The following ROR1 variants were observed in gnomAD, a reference collection of about 807,000 sequenced individuals.
ROR1 encodes inactive tyrosine-protein kinase transmembrane receptor ROR1.
ROR1 carries 19 observed loss-of-function variants against 78.8 expected under a neutral mutation model. That is an observed-to-expected ratio of 0.24 (90% CI 0.17 to 0.35). The LOEUF is 0.35. Among genes scored for constraint, ROR1 ranks in the 10% least tolerant of loss-of-function variants. The pLI, the probability that ROR1 is intolerant of heterozygous loss-of-function variation, is 1.00. For synonymous variants in ROR1, 386 were observed against 433.6 expected (o/e 0.89, Z 1.36); for missense variants, 917 against 1,177.8 (o/e 0.78, Z 3.24).
intron 1 of ROR1, among the ~76,000 whole-genome samples, chr1:63,911,574 C>T (rs1645570254): frequency 6.6e-6 from 1 of 151,960 alleles, no homozygotes; most frequent in Non-Finnish European, 1.5e-5. Context: ...GATCCCGAAA[C>T]CATCCCCCCC....
At chr1:64,003,554 A>AG (rs1198769673) in intron 1 of ROR1, among the ~76,000 whole-genome samples, 1 of 152,214 alleles carries the variant, frequency 6.6e-6, no homozygotes, top group Non-Finnish European at 1.5e-5. Context: ...TATCCCATAT[A>AG]GGATGAAGAA....
At position 64,024,456 on chromosome 1, in the gene ROR1, G is replaced by A. The variant is rs551797735; in HGVS notation, c.163+15080G>A. On this transcript the variant is annotated intron_variant, in intron 2 of 8. Transcript: ENST00000371079. ...AGATTGCACCACTGCACTCCAGCCTGGGAGACAGAGTGAGACTCCATCTCA... is the reference window on the plus strand; with the variant it reads ...AGATTGCACCACTGCACTCCAGCCTAGGAGACAGAGTGAGACTCCATCTCA... 2.4e-3 allele frequency among the ~76,000 whole-genome samples: 363 copies of A among 152,168 alleles called. 1 individual carries two copies. The highest frequency in any genetic ancestry group is 8.2e-3 in the African/African-American group (341 of 41,502).
intron 1 of ROR1, among the ~76,000 whole-genome samples, chr1:63,778,775 T>G (rs1231116885): frequency 6.6e-6 from 1 of 152,216 alleles, no homozygotes; most frequent in Non-Finnish European, 1.5e-5. Flanking sequence ...ATGGGTAAAC[T>G]TAGGCACAGA....
chr1:63,996,611 C>T (rs1313534821), intron 1 of ROR1, among the ~76,000 whole-genome samples: 2 of 152,182 alleles, frequency 1.3e-5, no homozygotes. Flanking sequence ...GTCCCTCAAT[C>T]CCATGAACTT....
intron 1 of ROR1, among the ~76,000 whole-genome samples, chr1:63,966,297 T>A (rs1025637282): frequency 1.3e-5 from 2 of 152,206 alleles, no homozygotes. Context: ...GTGTTGGCTG[T>A]GCCTCCTGGG....
Position 64,179,013 on chromosome 1 carries a change from A to C in ROR1, c.*158A>C. 2 of 384,246 alleles carry C rather than the reference A, an allele frequency of 5.2e-6. No homozygotes were observed. Among genetic ancestry groups the C allele is most frequent in the Admixed American group, 4.7e-5 (1 of 21,490 alleles). The allele number at this position is 384,246 out of a possible 1,614,324, so 23.8% of individuals were successfully genotyped here. Reference sequence around the variant, plus strand: ...CACTGTGTCTTACCAAGCAGGACAGACACTCGGCCAGAAAAAAAAAAAAAA... The same window carrying C: ...CACTGTGTCTTACCAAGCAGGACAGCCACTCGGCCAGAAAAAAAAAAAAAA... On this transcript the variant is annotated 3_prime_UTR_variant, in exon 9 of 9. Transcript: ENST00000371079.
At chr1:63,900,104 T>C (rs1645472695) in intron 1 of ROR1, among the ~76,000 whole-genome samples, 1 of 152,152 alleles carries the variant, frequency 6.6e-6, no homozygotes, top group African/African-American at 2.4e-5. Context: ...TGCTTACCAC[T>C]GACTCTGATT....
intron 2 of ROR1, among the ~76,000 whole-genome samples, chr1:64,046,675 C>T (rs1461817080): frequency 6.6e-6 from 1 of 152,192 alleles, no homozygotes; most frequent in Non-Finnish European, 1.5e-5. Context: ...ATATGTGTGT[C>T]CACGGCCCAC....
intron 1 of ROR1, among the ~76,000 whole-genome samples, chr1:63,895,938 G>A (rs1234593941): frequency 2.0e-5 from 3 of 151,984 alleles, no homozygotes; most frequent in African/African-American, 7.3e-5. Flanking sequence ...TTAGAACTAT[G>A]ACCCCTCTAA....
chr1:63,902,216 C>T (rs149930073), intron 1 of ROR1, among the ~76,000 whole-genome samples: 1 of 152,040 alleles, frequency 6.6e-6, no homozygotes, highest in East Asian at 1.9e-4. Context: ...TTGTCATATG[C>T]AACATTTTAA....
At chr1:63,841,135 T>C (rs949801362) in intron 1 of ROR1, among the ~76,000 whole-genome samples, 5 of 152,228 alleles carry the variant, frequency 3.3e-5, no homozygotes, top group Admixed American at 1.3e-4. Context: ...TATTACAAAA[T>C]GTACGTCTCA....
intron 4 of ROR1, among the ~76,000 whole-genome samples, chr1:64,080,405 C>A (rs1647091466): frequency 6.6e-6 from 1 of 152,248 alleles, no homozygotes; most frequent in South Asian, 2.1e-4. Context: ...GTTAAGAGAC[C>A]ATGGTCTGTT....
chr1:63,908,394 A>G lies in ROR1; in HGVS notation c.92-100911A>G, dbSNP rs546045787. The stretch of plus-strand genomic sequence containing the variant: ...GTGATTCCCAACATCTTTTTATATG[A>G]GGGCCTATTTTTCTTTGGTAAACAG... On this transcript the variant is annotated intron_variant, in intron 1 of 8. Transcript: ENST00000371079. 7.2e-5 allele frequency among the ~76,000 whole-genome samples: 11 copies of G among 152,282 alleles called. No individual in the cohort carries two copies. In the South Asian group the frequency reaches 2.3e-3, roughly 32 times the overall value.
chr1:64,002,765 G>T (rs1646395605), intron 1 of ROR1, among the ~76,000 whole-genome samples: 1 of 152,198 alleles, frequency 6.6e-6, no homozygotes, highest in Non-Finnish European at 1.5e-5. Context: ...ACCTTGTGCT[G>T]TGCCATCCTT....
chr1:63,826,499 G>A (rs1644954398), intron 1 of ROR1, among the ~76,000 whole-genome samples: 1 of 152,004 alleles, frequency 6.6e-6, no homozygotes. Context: ...ATCATTGATG[G>A]GTATTTGTGT....
At chr1:64,166,970 TC>T (rs1452823074) in intron 8 of ROR1, among the ~76,000 whole-genome samples, 1 of 152,218 alleles carries the variant, frequency 6.6e-6, no homozygotes, top group African/African-American at 2.4e-5. Context: ...CTTCAATATC[TC>T]AATAGAATCT....
chr1:64,139,132 A>G (rs531019037), intron 5 of ROR1, among the ~76,000 whole-genome samples: 32 of 137,440 alleles, frequency 2.3e-4, no homozygotes, highest in Non-Finnish European at 2.6e-4. Context: ...GTAACCCTGC[A>G]CTCCAGCCTG....
chr1:64,149,650 A>G (rs575807141), intron 7 of ROR1, among the ~76,000 whole-genome samples: 1 of 152,318 alleles, frequency 6.6e-6, no homozygotes, highest in African/African-American at 2.4e-5. Context: ...TGTCTCCTCC[A>G]GTCCTCAAAG....
At chr1:63,787,640 C>G (rs1644700161) in intron 1 of ROR1, among the ~76,000 whole-genome samples, 1 of 152,062 alleles carries the variant, frequency 6.6e-6, no homozygotes. Flanking sequence ...AATTCTCCAG[C>G]CTCAGCCTCC....
Sources: allele counts gnomAD v4.1 joint callset (sites outside exome capture counted in the v4.1 genomes callset), GRCh38; gene constraint gnomAD v4.1.1; transcripts MANE v1.5; gene names NCBI Gene and HGNC (gene_info 2026-07-23, HGNC 2026-07-21).